PTPN9: variants seen among roughly 807,000 people sequenced by gnomAD.
The protein encoded by PTPN9 is protein tyrosine phosphatase non-receptor type 9.
Under a neutral mutation model 69.8 loss-of-function variants are expected in PTPN9, and 26 were observed. That is an observed-to-expected ratio of 0.37 (90% CI 0.27 to 0.52). The LOEUF (loss-of-function observed/expected upper bound fraction) is 0.52. PTPN9 is among the 20% of genes least tolerant of loss of function. PTPN9 has a pLI of 0.91. For synonymous variants in PTPN9, 274 were observed against 272.5 expected (o/e 1.01, Z -0.05); for missense variants, 549 against 740.3 (o/e 0.74, Z 3.00).
intron 8 of PTPN9, among the ~76,000 whole-genome samples, chr15:75,485,882 C>G (rs1393356322): frequency 6.6e-6 from 1 of 150,644 alleles, no homozygotes; most frequent in Admixed American, 6.6e-5. Context: ...GGGCAGATCA[C>G]GAGGTCAGGA....
intron 2 of PTPN9, among the ~76,000 whole-genome samples, chr15:75,525,950 C>T (rs1010461939): frequency 6.6e-6 from 1 of 151,670 alleles, no homozygotes; most frequent in Non-Finnish European, 1.5e-5. Flanking sequence ...TCCACAGAAT[C>T]CAGTGCTGCC....
rs374247555 is a variant in PTPN9, at chr15:75,468,732, G to A, written c.*37C>T. The stretch of plus-strand genomic sequence containing the variant: ...CTCAGCGGTGTCCAGGGTAGTTTAA[G>A]GAAGGCTGGCCAACAGGTAGGAGGT... On this transcript the variant is annotated 3_prime_UTR_variant, in exon 13 of 13. Coordinates refer to ENST00000618819, the MANE Select transcript of PTPN9 (RefSeq NM_002833.4). The A allele has an allele frequency of 6.3e-7, 1 of 1,594,942 alleles. No individual in the cohort carries two copies. The highest frequency in any genetic ancestry group is 8.6e-7 in the Non-Finnish European group (1 of 1,167,048).
chr15:75,514,846 A>G (rs1346155150), intron 5 of PTPN9, among the ~76,000 whole-genome samples: 1 of 152,236 alleles, frequency 6.6e-6, no homozygotes. Flanking sequence ...CTATACCACA[A>G]GATACCATCT....
intron 8 of PTPN9, chr15:75,487,829 C>T (rs2074687338): frequency 6.6e-6 from 1 of 152,180 alleles, no homozygotes; most frequent in Non-Finnish European, 1.5e-5. Flanking sequence ...GGGGTCCCAA[C>T]CCACATGTCA....
intron 10 of PTPN9, 187 bp from the exon 11 acceptor site, chr15:75,471,017 A>G (rs2074561126): frequency 2.9e-6 from 2 of 687,350 alleles, no homozygotes; most frequent in Non-Finnish European, 4.7e-6. Context: ...ACTCACAGCT[A>G]AAGTTTCTGC....
At chr15:75,519,987 G>A (rs75266671) in intron 4 of PTPN9, among the ~76,000 whole-genome samples, 4 of 152,198 alleles carry the variant, frequency 2.6e-5, no homozygotes, top group East Asian at 1.9e-4. Context: ...AAAATTGGAC[G>A]GGTTTATTAG....
chr15:75,510,078 T>A (rs867797582), intron 5 of PTPN9, among the ~76,000 whole-genome samples: 5 of 152,214 alleles, frequency 3.3e-5, no homozygotes, highest in African/African-American at 4.8e-5. Context: ...AATCTTTTTT[T>A]AATCTATTCA....
chr15:75,562,145 G>A (rs1450431141), intron 1 of PTPN9, among the ~76,000 whole-genome samples: 6 of 152,104 alleles, frequency 3.9e-5, no homozygotes, highest in Non-Finnish European at 7.3e-5. Flanking sequence ...GACCCACTGC[G>A]CCTGGCCAAG....
chr15:75,534,500 C>T (rs960220988), intron 1 of PTPN9, among the ~76,000 whole-genome samples: 4 of 151,724 alleles, frequency 2.6e-5, no homozygotes, highest in African/African-American at 9.7e-5. Context: ...ATGGTGAGAC[C>T]CCATCTCTAC....
intron 5 of PTPN9, among the ~76,000 whole-genome samples, chr15:75,512,361 G>T (rs1014044446): frequency 6.6e-6 from 1 of 151,844 alleles, no homozygotes; most frequent in Non-Finnish European, 1.5e-5. Flanking sequence ...ACCACCACAT[G>T]CAGCTAAATT....
intron 8 of PTPN9, among the ~76,000 whole-genome samples, chr15:75,486,051 G>A (rs1235373680): frequency 3.6e-5 from 5 of 137,256 alleles, no homozygotes; most frequent in Non-Finnish European, 6.0e-5. Context: ...AGTGAGCCGA[G>A]ATCGCACCAC....
intron 4 of PTPN9, 46 bp from the exon 5 acceptor site, chr15:75,517,410 G>T: frequency 1.3e-6 from 2 of 1,509,140 alleles, no homozygotes; most frequent in East Asian, 2.3e-5. Flanking sequence ...TAAGCAGATG[G>T]ATGAGGCAGG....
chr15:75,548,798 C>T (rs1380081559), intron 1 of PTPN9, among the ~76,000 whole-genome samples: 3 of 150,996 alleles, frequency 2.0e-5, no homozygotes, highest in Admixed American at 6.6e-5. Flanking sequence ...GGACTACAGG[C>T]GCCCGCCACC....
intron 7 of PTPN9, among the ~76,000 whole-genome samples, chr15:75,495,533 TG>T (rs2074735466): frequency 6.6e-6 from 1 of 152,028 alleles, no homozygotes; most frequent in African/African-American, 2.4e-5. Flanking sequence ...GCCAACATAG[TG>T]AAACCATGTC....
chr15:75,484,304 T>C (rs2074660945), intron 8 of PTPN9, among the ~76,000 whole-genome samples: 2 of 152,110 alleles, frequency 1.3e-5, no homozygotes, highest in African/African-American at 4.8e-5. Context: ...GGCAAGCAAG[T>C]AGGAACACCT....
Position 75,468,712 on chromosome 15 carries a change from C to T in PTPN9, c.*57G>A, listed in dbSNP as rs564963023. ...AACTGATGGCAACCTATAGGCTCAG[C>T]GGTGTCCAGGGTAGTTTAAGGAAGG... is the stretch of plus-strand genomic sequence containing the variant. On this transcript the variant is annotated 3_prime_UTR_variant, in exon 13 of 13. Transcript: ENST00000618819. The T allele has an allele frequency of 2.3e-4, 349 of 1,489,054 alleles. No homozygotes were observed. The highest frequency in any genetic ancestry group is 5.4e-4 in the Admixed American group (31 of 57,814). 92.2% of individuals were successfully genotyped at this position (1,489,054 alleles called of 1,614,324 possible).
chr15:75,504,656 C>A (rs1274632800), intron 7 of PTPN9, among the ~76,000 whole-genome samples: 1 of 141,272 alleles, frequency 7.1e-6, no homozygotes, highest in Admixed American at 6.9e-5. Context: ...GTCAGCCCCC[C>A]GCCCGGCCAG....
intron 7 of PTPN9, among the ~76,000 whole-genome samples, chr15:75,493,281 C>G (rs2074721653): frequency 6.6e-6 from 1 of 151,632 alleles, no homozygotes; most frequent in African/African-American, 2.4e-5. Context: ...TTAATATCCT[C>G]AAAGAGAAAA....
chr15:75,491,423 A>C (rs995704120), intron 7 of PTPN9, among the ~76,000 whole-genome samples: 2 of 151,462 alleles, frequency 1.3e-5, no homozygotes, highest in African/African-American at 4.9e-5. Context: ...AAAAATAATT[A>C]AATTTAAAAA....
Sources: allele counts gnomAD v4.1 joint callset (sites outside exome capture counted in the v4.1 genomes callset), GRCh38; gene constraint gnomAD v4.1.1; transcripts MANE v1.5; gene names NCBI Gene and HGNC (gene_info 2026-07-23, HGNC 2026-07-21).